The following BMPR1B variants were observed in gnomAD, a reference collection of about 807,000 sequenced individuals.
The protein encoded by BMPR1B is bone morphogenetic protein receptor type-1B.
Under a neutral mutation model 59.1 loss-of-function variants are expected in BMPR1B, and 12 were observed. The ratio of observed to expected loss-of-function variants is 0.20; its 90% CI spans 0.13 to 0.33. The LOEUF is 0.33. BMPR1B is among the 10% of genes least tolerant of loss of function. The pLI, the probability that BMPR1B is intolerant of heterozygous loss-of-function variation, is 1.00. For missense variants in BMPR1B, 550 were observed against 610.9 expected, an observed-to-expected ratio of 0.90 and a Z score of 1.05; for synonymous variants, 237 against 207.3, an observed-to-expected ratio of 1.14 and a Z score of -1.23.
intron 1 of BMPR1B, among the ~76,000 whole-genome samples, chr4:94,824,576 A>G (rs1724318946): frequency 6.6e-6 from 1 of 152,224 alleles, no homozygotes; most frequent in South Asian, 2.1e-4. Context: ...TGAATAAAGA[A>G]ATTATAAAAT....
chr4:94,879,915 C>T (rs17500926), intron 2 of BMPR1B, among the ~76,000 whole-genome samples: 17,018 of 152,034 alleles, frequency 0.11, 1,006 homozygotes, highest in Non-Finnish European at 0.14. Flanking sequence ...CCATATGGAT[C>T]GTTTGGAATT....
chr4:95,019,663 C>G (rs1012377121), intron 3 of BMPR1B, among the ~76,000 whole-genome samples: 22 of 152,128 alleles, frequency 1.4e-4, no homozygotes, highest in Non-Finnish European at 3.1e-4. Flanking sequence ...AAAAACACCT[C>G]CTTGGCTGTT....
At chr4:94,849,200 T>C (rs1233062616) in intron 1 of BMPR1B, among the ~76,000 whole-genome samples, 1 of 152,070 alleles carries the variant, frequency 6.6e-6, no homozygotes, top group Admixed American at 6.6e-5. Context: ...CAAAGGAGAA[T>C]GAGAAAAAGC....
At chr4:95,060,768 A>G (rs1243116932) in intron 3 of BMPR1B, among the ~76,000 whole-genome samples, 1 of 152,126 alleles carries the variant, frequency 6.6e-6, no homozygotes. Flanking sequence ...TTCCTAATGG[A>G]AAGAGTTATG....
chr4:95,035,231 C>T (rs1578966587), intron 3 of BMPR1B, among the ~76,000 whole-genome samples: 1 of 152,076 alleles, frequency 6.6e-6, no homozygotes, highest in Non-Finnish European at 1.5e-5. Context: ...TGTGGGATAT[C>T]TGTTTACTCT....
chr4:94,787,106 T>C (rs938237125), intron 1 of BMPR1B, among the ~76,000 whole-genome samples: 2 of 152,206 alleles, frequency 1.3e-5, no homozygotes, highest in Non-Finnish European at 2.9e-5. Context: ...GCCCTTGATA[T>C]GTAGGAGACC....
chr4:95,096,813 T>A (rs932888187), intron 3 of BMPR1B, among the ~76,000 whole-genome samples: 2 of 140,302 alleles, frequency 1.4e-5, no homozygotes, highest in Non-Finnish European at 3.0e-5. Context: ...AATATATAAA[T>A]ATAAATATAT....
At chr4:95,041,897 C>G (rs1423697501) in intron 3 of BMPR1B, among the ~76,000 whole-genome samples, 1 of 152,052 alleles carries the variant, frequency 6.6e-6, no homozygotes, top group African/African-American at 2.4e-5. Context: ...CTCTGTCGCC[C>G]AGGCTGTAGT....
intron 10 of BMPR1B, among the ~76,000 whole-genome samples, chr4:95,134,901 A>C (rs564841425): frequency 2.4e-3 from 365 of 152,214 alleles, no homozygotes; most frequent in African/African-American, 8.5e-3. Flanking sequence ...TTTTGTTGCC[A>C]TTGCTTTTGG....
rs1417472013 is a variant in BMPR1B at position 95,154,838 on chromosome 4, C to G, written c.*165C>G. 17 of 889,146 alleles carry G rather than the reference C, an allele frequency of 1.9e-5. No individual in the cohort carries two copies. Among genetic ancestry groups the G allele is most frequent in the Non-Finnish European group, 3.0e-5 (17 of 575,392 alleles). The allele number at this position is 889,146 out of a possible 1,614,324, so 55.1% of individuals were successfully genotyped here. A position where few individuals can be genotyped will look rare whatever the true frequency, so the allele number is the denominator to read the frequency against. ...TCTCAGGGAGCGACCTGGGCAAAGA[C>G]AGAGAAGCTCCCAGAAGGAGAGATT... On this transcript the variant is annotated 3_prime_UTR_variant, in exon 13 of 13. Transcript: ENST00000515059.
rs182483712 is a variant in BMPR1B at position 94,974,882 on chromosome 4, A to G, written c.-112-21158A>G. 1.8e-4 allele frequency among the ~76,000 whole-genome samples: 27 copies of G among 152,336 alleles called. No homozygotes were observed. The East Asian group carries it at 5.2e-3, about 29-fold the overall frequency. The stretch of plus-strand genomic sequence containing the variant: ...GACACACATTTATTTTTACCTAGCA[A>G]CAGAGAAGTTAAGAGAAATGAACCG... On this transcript the variant is annotated intron_variant, in intron 2 of 12. Transcript: ENST00000515059.
intron 10 of BMPR1B, among the ~76,000 whole-genome samples, chr4:95,138,513 G>T (rs1430178948): frequency 6.6e-6 from 1 of 152,086 alleles, no homozygotes; most frequent in Non-Finnish European, 1.5e-5. Context: ...TTCCAACTTG[G>T]TTCCATTCTC....
chr4:95,075,954 A>G, intron 3 of BMPR1B, among the ~76,000 whole-genome samples: 1 of 152,148 alleles, frequency 6.6e-6, no homozygotes, highest in East Asian at 1.9e-4. Context: ...TAGTGCAAAG[A>G]GAGAAAGAAG....
chr4:94,797,613 T>C (rs982554073), intron 1 of BMPR1B, among the ~76,000 whole-genome samples: 11 of 152,184 alleles, frequency 7.2e-5, no homozygotes, highest in Admixed American at 2.0e-4. Context: ...TTGTCCTGGG[T>C]TGGACTATGT....
intron 2 of BMPR1B, among the ~76,000 whole-genome samples, chr4:94,897,295 A>G (rs981212869): frequency 1.3e-5 from 2 of 152,080 alleles, no homozygotes; most frequent in African/African-American, 2.4e-5. Context: ...GGTGCTCCCA[A>G]TGTAAATAAG....
At chr4:94,986,990 G>A (rs1440683959) in intron 2 of BMPR1B, among the ~76,000 whole-genome samples, 8 of 149,242 alleles carry the variant, frequency 5.4e-5, no homozygotes, top group African/African-American at 1.7e-4. Flanking sequence ...GCAGTGAGCC[G>A]AGATCGCGCC....
intron 2 of BMPR1B, among the ~76,000 whole-genome samples, chr4:94,876,743 G>A (rs1452401174): frequency 6.6e-6 from 1 of 152,150 alleles, no homozygotes; most frequent in Non-Finnish European, 1.5e-5. Flanking sequence ...AATGATGGGA[G>A]GATGTGCTTA....
chr4:94,868,451 A>G (rs892096226), intron 1 of BMPR1B, among the ~76,000 whole-genome samples: 4 of 152,174 alleles, frequency 2.6e-5, no homozygotes, highest in African/African-American at 9.6e-5. Flanking sequence ...GATTACAGAC[A>G]TGAACCTGTT....
chr4:95,000,380 G>A (rs896357656), intron 3 of BMPR1B, among the ~76,000 whole-genome samples: 2 of 151,974 alleles, frequency 1.3e-5, no homozygotes, highest in Non-Finnish European at 2.9e-5. Flanking sequence ...ACTATCCTGT[G>A]TTAAAAAATA....
Sources: allele counts gnomAD v4.1 joint callset (sites outside exome capture counted in the v4.1 genomes callset), GRCh38; gene constraint gnomAD v4.1.1; transcripts MANE v1.5; gene names NCBI Gene and HGNC (gene_info 2026-07-23, HGNC 2026-07-21).